Variants in RAB11FIP3 observed in about 807,000 individuals in gnomAD.
The protein encoded by RAB11FIP3 is RAB11 family interacting protein 3.
In RAB11FIP3, 17 loss-of-function variants were observed where a neutral mutation model predicts 77.8. The observed-to-expected ratio is 0.22, with a 90% CI of 0.15 to 0.33. The LOEUF is 0.33. Among genes scored for constraint, RAB11FIP3 ranks in the 10% least tolerant of loss-of-function variants. The probability of loss-of-function intolerance (pLI) is 1.00; values close to 1 mark genes in which losing one functional copy is unlikely to be tolerated. For synonymous variants in RAB11FIP3, 437 were observed against 448.2 expected, an observed-to-expected ratio of 0.98 and a Z score of 0.31; for missense variants, 1,005 against 1,011.2, an observed-to-expected ratio of 0.99 and a Z score of 0.08.
chr16:506,420 T>C lies in RAB11FIP3; in HGVS notation c.1499+793T>C, dbSNP rs1489333277. 6.6e-6 allele frequency among the ~76,000 whole-genome samples: 1 copy of C among 151,896 alleles called. No individual in the cohort carries two copies. The highest frequency in any genetic ancestry group is 1.9e-4 in the East Asian group (1 of 5,174). The stretch of plus-strand genomic sequence containing the variant: ...GCACCTGTGGGATCTGCAGAAGAGG[T>C]TCTTCCTGTGAGCTTCTGTCCCTGC... On this transcript the variant is annotated intron_variant, in intron 8 of 13. Transcript: ENST00000262305. This position sits in a 1 kb window ranked among gnomAD's most constrained non-coding sequence, Gnocchi z 4.5.
intron 6 of RAB11FIP3, among the ~76,000 whole-genome samples, chr16:499,946 G>T (rs1335479844): frequency 6.6e-6 from 1 of 152,274 alleles, no homozygotes; most frequent in South Asian, 2.1e-4. Flanking sequence ...GCCACAAGAG[G>T]CTAAGGAAGA....
chr16:451,816 C>T (rs1175619193), intron 1 of RAB11FIP3, among the ~76,000 whole-genome samples: 2 of 151,246 alleles, frequency 1.3e-5, no homozygotes, highest in African/African-American at 2.4e-5. Context: ...GTCTGGGCGA[C>T]AGAGCAAGAC....
intron 2 of RAB11FIP3, among the ~76,000 whole-genome samples, chr16:468,160 C>G (rs566367616): frequency 0.055 from 314 of 5,720 alleles, no homozygotes; most frequent in African/African-American, 0.077. Context: ...GTGCAGGGGC[C>G]TCAGGGAGGA....
At chr16:512,549 T>C (rs2032235094) in intron 9 of RAB11FIP3, among the ~76,000 whole-genome samples, 1 of 140,956 alleles carries the variant, frequency 7.1e-6, no homozygotes, top group Non-Finnish European at 1.5e-5. Context: ...CTTTTTTTTT[T>C]TTTTTTTTTT....
At chr16:503,319 C>G (rs1209995040) in intron 7 of RAB11FIP3, among the ~76,000 whole-genome samples, 1 of 152,206 alleles carries the variant, frequency 6.6e-6, no homozygotes, top group East Asian at 1.9e-4. Flanking sequence ...CTGTTGTGCA[C>G]GAAGGGCCAG....
chr16:493,870 G>GT lies in RAB11FIP3; in HGVS notation c.1266-2954_1266-2953insT, dbSNP rs554120624. ...ACCCCCCAAAGTGCTGGGATTACAG[G>GT]CTGAGCCACTGCACCCAGCCTGCCT... On this transcript the variant is annotated intron_variant, in intron 5 of 13. Transcript: ENST00000262305. Among the ~76,000 whole-genome samples, 231 of 146,402 alleles carry GT rather than the reference G, an allele frequency of 1.6e-3. 6 individuals are homozygous for GT. Among genetic ancestry groups the GT allele is most frequent in the South Asian group, 7.8e-3 (33 of 4,206 alleles).
At chr16:453,815 G>C (rs372006504) in intron 1 of RAB11FIP3, among the ~76,000 whole-genome samples, 1 of 151,322 alleles carries the variant, frequency 6.6e-6, no homozygotes, top group African/African-American at 2.4e-5. Flanking sequence ...GGCTGGTCTC[G>C]AACTCCAGAG....
Position 510,792 on chromosome 16 carries a change from G to A in RAB11FIP3, c.1632G>A (p.Leu544=), listed in dbSNP as rs767195982. 1.9e-6 allele frequency: 3 copies of A among 1,612,964 alleles called. No homozygotes were observed. The highest frequency in any genetic ancestry group is 2.7e-5 in the African/African-American group (2 of 74,892). The change falls in exon 9 of 14, where the codon CTG becomes CTA. Residue 544 remains leucine, a synonymous_variant. Coordinates refer to ENST00000262305, the MANE Select transcript of RAB11FIP3 (RefSeq NM_014700.4). The part of the protein sequence containing the change: ...EREKSIEIEN[L]QTRLQQLDEE... ...AGAAGAGCATTGAGATCGAGAACCTGCAGACCAGGTAGGCGGTTCCCAACA... is the reference window on the plus strand; with the variant it reads ...AGAAGAGCATTGAGATCGAGAACCTACAGACCAGGTAGGCGGTTCCCAACA...
At chr16:512,297 G>A (rs1036346861) in intron 9 of RAB11FIP3, among the ~76,000 whole-genome samples, 19 of 152,080 alleles carry the variant, frequency 1.2e-4, no homozygotes, top group Admixed American at 2.6e-4. Flanking sequence ...CTGGAGTGCA[G>A]TGGCGCGATC....
chr16:427,969 C>T (rs1056017637), intron 1 of RAB11FIP3, among the ~76,000 whole-genome samples: 1 of 152,052 alleles, frequency 6.6e-6, no homozygotes, highest in South Asian at 2.1e-4. Flanking sequence ...GGCGTGGTGG[C>T]GGGCACCTGT....
chr16:519,129 CTG>C, intron 10 of RAB11FIP3, 105 bp downstream of exon 10: 2 of 1,266,682 alleles, frequency 1.6e-6, no homozygotes, highest in Non-Finnish European at 2.3e-6. Flanking sequence ...GGATACTGTG[CTG>C]TGTGTGAGGG....
rs749678704 is a variant in RAB11FIP3 at position 438,976 on chromosome 16, C to T, written c.714+12256C>T. On this transcript the variant is annotated intron_variant, in intron 1 of 13. Coordinates refer to ENST00000262305, the MANE Select transcript of RAB11FIP3 (RefSeq NM_014700.4). Reference sequence around the variant, plus strand: ...TGCTGGGATTATAGGCGTGAACCGCCGCGCCCGGCTAAAACATTCTTTAAA... The same window carrying T: ...TGCTGGGATTATAGGCGTGAACCGCTGCGCCCGGCTAAAACATTCTTTAAA... Among the ~76,000 whole-genome samples the T allele has an allele frequency of 9.2e-5, 14 of 152,194 alleles. No homozygotes were observed. The East Asian group carries it at 1.2e-3, about 13-fold the overall frequency.
intron 5 of RAB11FIP3, among the ~76,000 whole-genome samples, chr16:492,480 AGGGCCCTCCCGG>A (rs1188383566): frequency 1.2e-4 from 12 of 102,378 alleles, no homozygotes; most frequent in East Asian, 2.6e-4. Flanking sequence ...GAGGCCGCCC[AGGGCCCTCCCGG>A]GAGACCCGAG....
chr16:430,661 C>T (rs2055020885), intron 1 of RAB11FIP3, among the ~76,000 whole-genome samples: 1 of 152,020 alleles, frequency 6.6e-6, no homozygotes, highest in Non-Finnish European at 1.5e-5. Flanking sequence ...CTCAAGCAGT[C>T]CTCTCATCTT....
chr16:492,382 G>C (rs560681685), intron 5 of RAB11FIP3, among the ~76,000 whole-genome samples: 1 of 144,220 alleles, frequency 6.9e-6, no homozygotes, highest in Non-Finnish European at 1.5e-5. Context: ...ACCCGAGGCC[G>C]CCCAGAGCCC....
intron 1 of RAB11FIP3, among the ~76,000 whole-genome samples, chr16:440,350 C>T (rs1335708301): frequency 1.3e-5 from 2 of 151,866 alleles, no homozygotes; most frequent in Non-Finnish European, 2.9e-5. Context: ...AGGTTGTTCT[C>T]CAACTCCTGA....
intron 1 of RAB11FIP3, among the ~76,000 whole-genome samples, chr16:454,768 C>T (rs115909582): frequency 2.8e-4 from 42 of 152,200 alleles, no homozygotes; most frequent in African/African-American, 9.1e-4. Context: ...CTTTCTTGGC[C>T]GGGCGCAGTG....
chr16:425,728 G>C lies in RAB11FIP3; in HGVS notation c.-279G>C. The C allele has an allele frequency of 3.1e-6, 1 of 321,096 alleles. No individual in the cohort carries two copies. Among genetic ancestry groups the C allele is most frequent in the East Asian group, 4.8e-5 (1 of 20,884 alleles). 19.9% of individuals were successfully genotyped at this position (321,096 alleles called of 1,614,324 possible). On this transcript the variant is annotated 5_prime_UTR_variant, in exon 1 of 14. Coordinates refer to ENST00000262305, the MANE Select transcript of RAB11FIP3 (RefSeq NM_014700.4). ...CGGCCCCCGTCCCCCGGCCTCCTCG[G>C]CCCCCGTCCCCCGCCATCCGCCGCC...
At chr16:502,979 C>G in intron 6 of RAB11FIP3, 25 bp from the exon 7 acceptor site, 5 of 1,559,200 alleles carry the variant, frequency 3.2e-6, no homozygotes, top group Non-Finnish European at 4.4e-6. Context: ...CCTTTCTTCC[C>G]TCTGTTGTTG....
Sources: gnomAD v4.1 joint callset for allele counts (sites outside exome capture counted in the v4.1 genomes callset) on GRCh38, gnomAD v4.1.1 for gene constraint, Gnocchi (gnomAD v3.1) non-coding constraint, MANE v1.5 for transcripts, NCBI Gene and HGNC (gene_info 2026-07-23, HGNC 2026-07-21) for gene names.